The following KLHL13 variants were observed in gnomAD, a reference collection of about 807,000 sequenced individuals.
KLHL13 encodes the protein kelch-like protein 13.
A neutral mutation model predicts 37.1 loss-of-function variants in KLHL13; 10 were observed. That is an observed-to-expected ratio of 0.27 (90% CI 0.17 to 0.46). KLHL13 has a LOEUF of 0.46. Among genes scored for constraint, KLHL13 ranks in the 20% least tolerant of loss-of-function variants. The pLI is 1.00. For synonymous variants in KLHL13, 163 were observed against 181.2 expected (o/e 0.90, Z 0.81); for missense variants, 360 against 509.3 (o/e 0.71, Z 2.82).
At chrX:117,942,666 GT>G (rs1933106656) in intron 2 of KLHL13, among the ~76,000 whole-genome samples, 1 of 110,544 alleles carries the variant, frequency 9.0e-6, no homozygotes, top group Non-Finnish European at 1.9e-5. Flanking sequence ...CTTGTTTTTT[GT>G]TTTCCATTTG....
intron 1 of KLHL13, among the ~76,000 whole-genome samples, chrX:118,101,797 T>C (rs2055292049): frequency 9.0e-6 from 1 of 111,345 alleles, no homozygotes; most frequent in Admixed American, 9.6e-5. Context: ...GATGGTTTTA[T>C]AAGTGTTTAG....
chrX:117,908,408 G>A (rs944467248), intron 5 of KLHL13, among the ~76,000 whole-genome samples: 3 of 108,135 alleles, frequency 2.8e-5, no homozygotes, highest in East Asian at 2.9e-4. Flanking sequence ...CCCAACCCCA[G>A]ACAGGCCCTG....
intron 1 of KLHL13, among the ~76,000 whole-genome samples, chrX:118,071,080 A>G: frequency 8.9e-6 from 1 of 111,774 alleles, no homozygotes; most frequent in African/African-American, 3.2e-5. Context: ...TACAAAGGAC[A>G]TGAACTCATC....
chrX:118,010,999 G>T (rs2054059836), intron 1 of KLHL13, among the ~76,000 whole-genome samples: 1 of 110,019 alleles, frequency 9.1e-6, no homozygotes, highest in Non-Finnish European at 1.9e-5. Context: ...CCTGAGCCTG[G>T]GAAGTCAAGG....
intron 1 of KLHL13, among the ~76,000 whole-genome samples, chrX:118,002,594 G>A (rs749475068): frequency 1.1e-5 from 1 of 89,537 alleles, no homozygotes; most frequent in African/African-American, 4.6e-5. Flanking sequence ...ACTCTGTCTC[G>A]AAAATAAATA....
intron 1 of KLHL13, among the ~76,000 whole-genome samples, chrX:118,043,888 G>A (rs1389940519): frequency 9.0e-6 from 1 of 111,600 alleles, no homozygotes. Context: ...GGAAGTCCTA[G>A]ATAGAGCAAC....
chrX:118,015,947 C>T (rs1242936200), intron 1 of KLHL13, among the ~76,000 whole-genome samples: 3 of 111,000 alleles, frequency 2.7e-5, no homozygotes, highest in Non-Finnish European at 3.8e-5. Context: ...ATGATAAAAC[C>T]AGACCCTCAC....
chrX:117,937,912 T>C (rs192768072), intron 2 of KLHL13, among the ~76,000 whole-genome samples: 5 of 112,066 alleles, frequency 4.5e-5, no homozygotes, highest in Non-Finnish European at 9.4e-5. Context: ...CCAATTTCCC[T>C]AGCTGTAAGC....
At chrX:118,105,618 C>A (rs1237270604) in intron 1 of KLHL13, among the ~76,000 whole-genome samples, 6 of 112,747 alleles carry the variant, frequency 5.3e-5, no homozygotes, top group East Asian at 2.8e-4. Context: ...CAAATTGACT[C>A]ATGTTCTCTG....
intron 1 of KLHL13, among the ~76,000 whole-genome samples, chrX:118,093,373 G>C (rs770617458): frequency 3.6e-5 from 4 of 111,463 alleles, no homozygotes; most frequent in Admixed American, 9.6e-5. Flanking sequence ...AAAATCTCTT[G>C]TTCCTCCATT....
chrX:118,095,961 C>G lies in KLHL13; in HGVS notation c.-56+20547G>C, dbSNP rs771746741. 4.5e-5 allele frequency among the ~76,000 whole-genome samples: 5 copies of G among 111,340 alleles called. No individual in the cohort carries two copies. In the South Asian group the frequency reaches 1.9e-3, roughly 42 times the overall value. On this transcript the variant is annotated intron_variant, in intron 1 of 6. Transcript: ENST00000371882. Reference sequence around the variant, plus strand: ...GAGGGAAATTTATAGCACTAAATGCCCAAAAGAGAAAGCAGGAAAGATCTA... The same window carrying G: ...GAGGGAAATTTATAGCACTAAATGCGCAAAAGAGAAAGCAGGAAAGATCTA...
chrX:117,898,974 G>A (rs1365554315), exon 7 of KLHL13: 1 of 1,210,488 alleles, frequency 8.3e-7, no homozygotes, highest in South Asian at 1.8e-5. Context: ...GAAAAACTGT[G>A]AGTGTGCAAG....
rs755563429 is a variant in KLHL13 at position 118,008,555 on chromosome X, C to T, written c.-55-62980G>A. Reference sequence around the variant, plus strand: ...ATTCTGCTAGGAAGAGACAGGAGGACACATTCCTCTACATTCACTTCCTGC... The same window carrying T: ...ATTCTGCTAGGAAGAGACAGGAGGATACATTCCTCTACATTCACTTCCTGC... On this transcript the variant is annotated intron_variant, in intron 1 of 6. Transcript: ENST00000371882. Among the ~76,000 whole-genome samples, 3 of 112,040 alleles carry T rather than the reference C, an allele frequency of 2.7e-5. No individual in the cohort carries two copies. In the South Asian group the frequency reaches 1.1e-3, roughly 42 times the overall value.
chrX:118,062,127 G>C (rs2054749215), intron 1 of KLHL13, among the ~76,000 whole-genome samples: 1 of 111,178 alleles, frequency 9.0e-6, no homozygotes, highest in Non-Finnish European at 1.9e-5. Context: ...ATGTCTTAAA[G>C]TGGTAGTATT....
At chrX:117,934,859 A>G (rs1206507058) in intron 2 of KLHL13, among the ~76,000 whole-genome samples, 8 of 110,240 alleles carry the variant, frequency 7.3e-5, no homozygotes, top group Admixed American at 6.8e-4. Flanking sequence ...AATCACATAC[A>G]AATGGCCATA....
intron 1 of KLHL13, among the ~76,000 whole-genome samples, chrX:118,045,993 C>A (rs1256396215): frequency 9.0e-6 from 1 of 111,445 alleles, no homozygotes; most frequent in Non-Finnish European, 1.9e-5. Flanking sequence ...AATTCCTCAA[C>A]AAACTAAAAA....
chrX:117,948,067 A>G (rs1297785138), intron 1 of KLHL13: 3 of 112,218 alleles, frequency 2.7e-5, no homozygotes, highest in Non-Finnish European at 5.6e-5. Context: ...TTCCACCCCC[A>G]TGATTCATAA....
At chrX:118,030,650 A>C (rs1232997984) in intron 1 of KLHL13, among the ~76,000 whole-genome samples, 1 of 112,141 alleles carries the variant, frequency 8.9e-6, no homozygotes, top group Non-Finnish European at 1.9e-5. Flanking sequence ...CTCATGAAGG[A>C]TTAATGCCAT....
At position 117,965,549 on chromosome X, in the gene KLHL13, T is replaced by C. The variant is rs747024639; in HGVS notation, c.98+7182A>G. On this transcript the variant is annotated intron_variant, in intron 1 of 6. Transcript: ENST00000262820. ...CAAAGAGGGAATCCTCCCTAACTCATTTGATGAGGCCAGCATCATCCTGAT... is the reference window on the plus strand; with the variant it reads ...CAAAGAGGGAATCCTCCCTAACTCACTTGATGAGGCCAGCATCATCCTGAT... Among the ~76,000 whole-genome samples, 5 of 111,555 alleles carry C rather than the reference T, an allele frequency of 4.5e-5. No individual in the cohort carries two copies. In the Admixed American group the frequency reaches 4.8e-4, roughly 11 times the overall value.
Sources: gnomAD v4.1 joint callset for allele counts (sites outside exome capture counted in the v4.1 genomes callset) on GRCh38, gnomAD v4.1.1 for gene constraint, MANE v1.5 for transcripts, NCBI Gene and HGNC (gene_info 2026-07-23, HGNC 2026-07-21) for gene names.